The following PALS2 variants were observed in gnomAD, a reference collection of about 807,000 sequenced individuals.
PALS2 encodes the protein protein associated with LIN7 2, MAGUK p55 family member, also known as protein PALS2.
Under a neutral mutation model 61.6 loss-of-function variants are expected in PALS2, and 27 were observed. The observed-to-expected ratio is 0.44, with a 90% CI of 0.32 to 0.60. The LOEUF (loss-of-function observed/expected upper bound fraction) is 0.60, where lower values mean the gene tolerates loss of function less well. Among genes scored for constraint, PALS2 ranks in the 20% least tolerant of loss-of-function variants. The pLI is 0.05. For synonymous variants in PALS2, 236 were observed against 218.6 expected, an observed-to-expected ratio of 1.08 and a Z score of -0.70; for missense variants, 554 against 639.4, an observed-to-expected ratio of 0.87 and a Z score of 1.44.
intron 9 of PALS2, among the ~76,000 whole-genome samples, chr7:24,677,505 G>A (rs1453038878): frequency 1.3e-5 from 2 of 151,594 alleles, no homozygotes; most frequent in African/African-American, 4.9e-5. Context: ...ATTGGCTGTG[G>A]GTTTGTCATA....
chr7:24,686,524 A>T (rs1168110581), intron 11 of PALS2, among the ~76,000 whole-genome samples: 1 of 152,186 alleles, frequency 6.6e-6, no homozygotes, highest in Non-Finnish European at 1.5e-5. Flanking sequence ...TTCTCAGCTT[A>T]ACTGTAATTT....
intron 10 of PALS2, 128 bp from the exon 11 acceptor site, chr7:24,680,264 G>T (rs1335346733): frequency 3.5e-6 from 3 of 864,810 alleles, no homozygotes; most frequent in East Asian, 2.7e-5. Context: ...GACAGAACAG[G>T]GATAAGTATT....
At chr7:24,683,664 G>A (rs919375063) in intron 11 of PALS2, among the ~76,000 whole-genome samples, 2 of 152,054 alleles carry the variant, frequency 1.3e-5, no homozygotes, top group Non-Finnish European at 2.9e-5. Context: ...TTCTTTTAGG[G>A]TAAATGGTGT....
chr7:24,684,358 A>C (rs1045363839), intron 11 of PALS2, among the ~76,000 whole-genome samples: 1 of 152,144 alleles, frequency 6.6e-6, no homozygotes, highest in African/African-American at 2.4e-5. Flanking sequence ...CTTTCTGTGT[A>C]TTTAGGTCAG....
chr7:24,639,814 A>ATTTTTTTTTTTTTT (rs61073575), intron 2 of PALS2, among the ~76,000 whole-genome samples: 6 of 96,246 alleles, frequency 6.2e-5, no homozygotes, highest in East Asian at 2.9e-4. Flanking sequence ...TTCTAGTCTA[A>ATTTTTTTTTTTTTT]TTTTTTTTTT....
intron 1 of PALS2, among the ~76,000 whole-genome samples, chr7:24,622,678 T>A (rs980087828): frequency 6.8e-6 from 1 of 146,372 alleles, no homozygotes; most frequent in African/African-American, 2.6e-5. Context: ...TTTATTTTCT[T>A]TTTTCTTTTT....
chr7:24,613,427 G>A (rs1027957975), intron 1 of PALS2, among the ~76,000 whole-genome samples: 1 of 151,258 alleles, frequency 6.6e-6, no homozygotes, highest in Admixed American at 6.6e-5. Flanking sequence ...TTCTCATCTC[G>A]TTTCTAATGT....
chr7:24,654,188 A>G (rs1417741439), intron 5 of PALS2, among the ~76,000 whole-genome samples: 2 of 151,776 alleles, frequency 1.3e-5, no homozygotes, highest in African/African-American at 4.8e-5. Context: ...AGTTTAAAAC[A>G]AAGATAAAGC....
At chr7:24,586,580 A>G (rs950492400) in intron 1 of PALS2, among the ~76,000 whole-genome samples, 2 of 152,254 alleles carry the variant, frequency 1.3e-5, no homozygotes, top group Admixed American at 6.5e-5. Flanking sequence ...GAGAGTTTAT[A>G]TTAAGGAATA....
intron 1 of PALS2, among the ~76,000 whole-genome samples, chr7:24,604,380 G>A (rs1783824325): frequency 1.3e-5 from 2 of 152,078 alleles, no homozygotes; most frequent in African/African-American, 4.8e-5. Flanking sequence ...TCATTGGATA[G>A]GCTCAACAGA....
In PALS2 at chr7:24,691,869, T is replaced by G. The variant is rs577586214; in HGVS notation, c.*4255T>G. 1 of 152,094 alleles carries G rather than the reference T, an allele frequency of 6.6e-6. No individual in the cohort carries two copies. 9.4% of individuals were successfully genotyped at this position (152,094 alleles called of 1,614,324 possible). A position where few individuals can be genotyped will look rare whatever the true frequency, so the allele number is the denominator to read the frequency against. On this transcript the variant is annotated 3_prime_UTR_variant, in exon 12 of 12. Transcript: ENST00000222644. ...TGTATTTGGAATTTTTGGGAGAAAT[T>G]CATTCTTTTAAATAATGGGATTATT...
chr7:24,575,301 A>C (rs569179707), intron 1 of PALS2, among the ~76,000 whole-genome samples: 69 of 152,288 alleles, frequency 4.5e-4, no homozygotes, highest in Non-Finnish European at 8.4e-4. Flanking sequence ...ACACTGGAAA[A>C]ATTAAGGTGT....
intron 1 of PALS2, among the ~76,000 whole-genome samples, chr7:24,611,159 G>A (rs1424702676): frequency 2.0e-5 from 3 of 152,040 alleles, no homozygotes; most frequent in Non-Finnish European, 4.4e-5. Context: ...GAAAACTTCT[G>A]GGGCAGAATA....
intron 1 of PALS2, among the ~76,000 whole-genome samples, chr7:24,590,277 A>G (rs1051300791): frequency 1.3e-5 from 2 of 151,900 alleles, no homozygotes; most frequent in Non-Finnish European, 2.9e-5. Context: ...GTTTTCAGCT[A>G]CCTGTCTTTT....
intron 9 of PALS2, among the ~76,000 whole-genome samples, chr7:24,678,817 T>C (rs1472374744): frequency 1.3e-5 from 2 of 152,194 alleles, no homozygotes; most frequent in African/African-American, 4.8e-5. Flanking sequence ...TCTTAAAATA[T>C]TCCCCTAAGG....
Position 24,690,386 on chromosome 7 carries a change from TTA to T in PALS2, c.*2773_*2774del, listed in dbSNP as rs1296336328. 2.0e-5 allele frequency: 3 copies of T among 152,150 alleles called. No individual in the cohort carries two copies. Among genetic ancestry groups the T allele is most frequent in the African/African-American group, 7.2e-5 (3 of 41,436 alleles). 9.4% of individuals were successfully genotyped at this position (152,150 alleles called of 1,614,324 possible). A position where few individuals can be genotyped will look rare whatever the true frequency, so the allele number is the denominator to read the frequency against. On this transcript the variant is annotated 3_prime_UTR_variant, in exon 12 of 12. Coordinates refer to ENST00000222644, the MANE Select transcript of PALS2 (RefSeq NM_001303037.2). ...TTAGCTTTATGGAAGCGAAAATGGTTTAGAGTGGTGTTGAGCAATTGTTAAGA... is the reference window on the plus strand; with the variant it reads ...TTAGCTTTATGGAAGCGAAAATGGTTGAGTGGTGTTGAGCAATTGTTAAGA...
intron 1 of PALS2, among the ~76,000 whole-genome samples, chr7:24,600,059 C>G (rs1783663856): frequency 6.6e-6 from 1 of 152,084 alleles, no homozygotes; most frequent in Non-Finnish European, 1.5e-5. Context: ...GGGGGTGTCA[C>G]TCTTTTCAGA....
chr7:24,581,347 C>T (rs1782838095), intron 1 of PALS2, among the ~76,000 whole-genome samples: 1 of 151,884 alleles, frequency 6.6e-6, no homozygotes, highest in Non-Finnish European at 1.5e-5. Context: ...ATTTAGTGCT[C>T]TCTGGAATAA....
At chr7:24,665,520 TCTTA>T (rs1371408079) in intron 6 of PALS2, 64 bp from the exon 7 acceptor site, 21 of 1,418,504 alleles carry the variant, frequency 1.5e-5, no homozygotes, top group African/African-American at 2.8e-5. Flanking sequence ...CCACTGCTTG[TCTTA>T]CTTAATAGAA....
Sources: gnomAD v4.1 joint callset for allele counts (sites outside exome capture counted in the v4.1 genomes callset) on GRCh38, gnomAD v4.1.1 for gene constraint, MANE v1.5 for transcripts, NCBI Gene and HGNC (gene_info 2026-07-23, HGNC 2026-07-21) for gene names.